Variants in NELL1 observed in about 807,000 individuals in gnomAD.
NELL1 encodes neural EGFL like 1, also known as protein kinase C-binding protein NELL1.
Under a neutral mutation model 107.4 loss-of-function variants are expected in NELL1, and 76 were observed. The observed-to-expected ratio is 0.71, with a 90% confidence interval of 0.59 to 0.86. NELL1 has a LOEUF of 0.86. Among genes scored for constraint, NELL1 ranks in the 40% least tolerant of loss-of-function variants. The pLI, the probability that NELL1 is intolerant of heterozygous loss-of-function variation, is 0.00. For missense variants in NELL1, 1,024 were observed against 1,005.5 expected, an observed-to-expected ratio of 1.02 and a Z score of -0.25; for synonymous variants, 353 against 341.2, an observed-to-expected ratio of 1.03 and a Z score of -0.38.
At chr11:21,409,171 G>A (rs1483115878) in intron 15 of NELL1, among the ~76,000 whole-genome samples, 1 of 152,048 alleles carries the variant, frequency 6.6e-6, no homozygotes, top group Admixed American at 6.6e-5. Context: ...GCAAAGACTT[G>A]GAACCAACCC....
chr11:21,469,863 G>A (rs892198339), intron 15 of NELL1, among the ~76,000 whole-genome samples: 4 of 152,044 alleles, frequency 2.6e-5, no homozygotes, highest in Non-Finnish European at 4.4e-5. Flanking sequence ...TGTTTAGAAA[G>A]AGATTAAATC....
At chr11:21,173,825 C>G (rs1018616491) in intron 13 of NELL1, among the ~76,000 whole-genome samples, 1 of 151,562 alleles carries the variant, frequency 6.6e-6, no homozygotes, top group African/African-American at 2.4e-5. Context: ...AGTGGAAGAC[C>G]TGACCTAGTG....
At chr11:21,063,615 G>A (rs1456938855) in intron 12 of NELL1, among the ~76,000 whole-genome samples, 1 of 152,160 alleles carries the variant, frequency 6.6e-6, no homozygotes, top group Non-Finnish European at 1.5e-5. Flanking sequence ...AAGGATTTTA[G>A]AAGCTCTGTG....
chr11:21,131,272 T>C lies in NELL1; in HGVS notation c.1426+17558T>C, dbSNP rs565815350. Among the ~76,000 whole-genome samples the C allele has an allele frequency of 5.3e-5, 8 of 152,328 alleles. No individual in the cohort carries two copies. The East Asian group carries it at 1.5e-3, about 29-fold the overall frequency. On this transcript the variant is annotated intron_variant, in intron 13 of 19. Coordinates refer to ENST00000357134, the MANE Select transcript of NELL1 (RefSeq NM_006157.5). Reference sequence around the variant, plus strand: ...AAGGTAGACTCTGGATATAGTTGTTTGGATTATTTATGTTTAGAAGCAATG... The same window carrying C: ...AAGGTAGACTCTGGATATAGTTGTTCGGATTATTTATGTTTAGAAGCAATG...
chr11:21,092,170 C>T (rs545393906), intron 12 of NELL1, among the ~76,000 whole-genome samples: 1 of 152,154 alleles, frequency 6.6e-6, no homozygotes, highest in Admixed American at 6.5e-5. Context: ...GTAAGTAGTT[C>T]AGGATTTTGG....
In NELL1 at chr11:21,231,140, A is replaced by G. The variant is rs118121684; in HGVS notation, c.1549+1686A>G. Among the ~76,000 whole-genome samples the G allele has an allele frequency of 5.3e-5, 8 of 152,262 alleles. No individual in the cohort carries two copies. In the East Asian group the frequency reaches 1.4e-3, roughly 26 times the overall value. The stretch of plus-strand genomic sequence containing the variant: ...ATACATGTACACATCACATTGAAAG[A>G]TACCCTACATATTTTTGAGAAAAAA... On this transcript the variant is annotated intron_variant, in intron 14 of 19. Transcript: ENST00000357134.
At chr11:20,918,360 G>T in intron 6 of NELL1, 106 bp downstream of exon 6, 1 of 682,006 alleles carries the variant, frequency 1.5e-6, no homozygotes. Flanking sequence ...GTTGACTTCT[G>T]AGGTGCTGGA....
intron 12 of NELL1, among the ~76,000 whole-genome samples, chr11:21,105,202 G>A (rs1590640346): frequency 6.6e-6 from 1 of 152,262 alleles, no homozygotes; most frequent in East Asian, 1.9e-4. Context: ...CACACGTGGA[G>A]TGGGGTTAAG....
At chr11:20,921,957 G>A (rs182580512) in intron 7 of NELL1, among the ~76,000 whole-genome samples, 1 of 152,178 alleles carries the variant, frequency 6.6e-6, no homozygotes, top group Admixed American at 6.6e-5. Flanking sequence ...GGAAAGGCCA[G>A]GTGAAGTCTC....
chr11:21,117,246 A>G (rs538879113), intron 13 of NELL1, among the ~76,000 whole-genome samples: 5 of 151,892 alleles, frequency 3.3e-5, no homozygotes, highest in African/African-American at 1.2e-4. Flanking sequence ...ATACCACCTG[A>G]TTTTAGTTCT....
intron 14 of NELL1, among the ~76,000 whole-genome samples, chr11:21,264,996 G>A (rs1363928148): frequency 6.6e-6 from 1 of 151,962 alleles, no homozygotes; most frequent in Non-Finnish European, 1.5e-5. Context: ...CATAGTAAAG[G>A]CCTTAGGTAA....
chr11:20,974,338 G>T (rs1470607039), intron 12 of NELL1, among the ~76,000 whole-genome samples: 1 of 152,216 alleles, frequency 6.6e-6, no homozygotes, highest in African/African-American at 2.4e-5. Flanking sequence ...GTCTGTAATT[G>T]GTCAATAAAT....
At chr11:21,558,262 A>G (rs1412230830) in intron 16 of NELL1, among the ~76,000 whole-genome samples, 1 of 151,988 alleles carries the variant, frequency 6.6e-6, no homozygotes. Context: ...AGGAAACAAT[A>G]TGGCCTCTTT....
intron 12 of NELL1, among the ~76,000 whole-genome samples, chr11:21,008,035 G>T (rs1852366735): frequency 2.0e-5 from 3 of 152,046 alleles, no homozygotes; most frequent in Admixed American, 1.3e-4. Flanking sequence ...CTCAATTTAT[G>T]GTAGGGTAAA....
chr11:21,434,713 A>AT (rs893112366), intron 15 of NELL1, among the ~76,000 whole-genome samples: 3 of 151,614 alleles, frequency 2.0e-5, no homozygotes, highest in African/African-American at 7.3e-5. Context: ...GAATTTTAAG[A>AT]TTTTTTTTCT....
chr11:21,570,526 A>G lies in NELL1; in HGVS notation c.1981-238A>G, dbSNP rs148327104. ...AGAACCCCTTTGAAAAAGATTTTCA[A>G]AAAACATGTTGACTTTTTGTTAAAC... On this transcript the variant is annotated intron_variant, in intron 17 of 19. Coordinates refer to ENST00000357134, the MANE Select transcript of NELL1 (RefSeq NM_006157.5). Among the ~76,000 whole-genome samples, 476 of 152,040 alleles carry G rather than the reference A, an allele frequency of 3.1e-3. 5 individuals carry two copies. Among genetic ancestry groups the G allele is most frequent in the African/African-American group, 0.01 (427 of 41,534 alleles).
At chr11:21,284,720 G>A (rs1377895924) in intron 14 of NELL1, 1 of 348,118 alleles carries the variant, frequency 2.9e-6, no homozygotes, top group Non-Finnish European at 5.7e-6. Context: ...CAGCTTCAAG[G>A]CAATGTGACA....
intron 1 of NELL1, among the ~76,000 whole-genome samples, chr11:20,670,895 A>G (rs1282171235): frequency 6.6e-6 from 1 of 152,120 alleles, no homozygotes; most frequent in African/African-American, 2.4e-5. Context: ...CCAAAGAGCA[A>G]GTTCATCTGG....
chr11:21,228,376 C>T (rs1054782269), intron 13 of NELL1, among the ~76,000 whole-genome samples: 3 of 152,138 alleles, frequency 2.0e-5, no homozygotes, highest in Non-Finnish European at 2.9e-5. Context: ...ATATATATAA[C>T]CCATATCACT....
Sources: gnomAD v4.1 joint callset for allele counts (sites outside exome capture counted in the v4.1 genomes callset) on GRCh38, gnomAD v4.1.1 for gene constraint, MANE v1.5 for transcripts, NCBI Gene and HGNC (gene_info 2026-07-23, HGNC 2026-07-21) for gene names.